The following PCDHA2 variants were observed in gnomAD, a reference collection of about 807,000 sequenced individuals.
PCDHA2 encodes the protein protocadherin alpha 2.
In PCDHA2, 58 loss-of-function variants were observed where a neutral mutation model predicts 66.0. That is an observed-to-expected ratio of 0.88 (90% CI 0.71 to 1.09). The LOEUF (loss-of-function observed/expected upper bound fraction) is 1.09, where lower values mean the gene tolerates loss of function less well. PCDHA2 is among the 50% of genes least tolerant of loss of function. The probability of loss-of-function intolerance (pLI) is 0.00; values close to 1 mark genes in which losing one functional copy is unlikely to be tolerated. For synonymous variants in PCDHA2, 634 were observed against 554.0 expected (o/e 1.14, Z -2.03); for missense variants, 1,267 against 1,242.3 (o/e 1.02, Z -0.30).
At chr5:140,903,370 G>A (rs1185137848) in intron 1 of PCDHA2, among the ~76,000 whole-genome samples, 8 of 152,136 alleles carry the variant, frequency 5.3e-5, no homozygotes, top group African/African-American at 1.9e-4. Flanking sequence ...AAAAATATAG[G>A]GAGGATTGTG....
intron 1 of PCDHA2, among the ~76,000 whole-genome samples, chr5:140,960,713 A>C (rs1272219565): frequency 6.6e-6 from 1 of 150,862 alleles, no homozygotes; most frequent in Non-Finnish European, 1.5e-5. Context: ...CCAAATACTC[A>C]TCTTATTTTA....
chr5:140,883,679 G>T (rs781987468), intron 1 of PCDHA2: 1 of 1,613,678 alleles, frequency 6.2e-7, no homozygotes, highest in Non-Finnish European at 8.5e-7. Flanking sequence ...CAATCCGCCG[G>T]GCTGCCACAT....
intron 3 of PCDHA2, among the ~76,000 whole-genome samples, chr5:140,983,949 T>TA (rs1554245835): frequency 1.3e-5 from 2 of 152,176 alleles, no homozygotes. Flanking sequence ...ACAATTCAAC[T>TA]AAAAGTCACA....
At chr5:140,797,517 A>C in intron 1 of PCDHA2, 165 bp downstream of exon 1, 1 of 832,786 alleles carries the variant, frequency 1.2e-6, no homozygotes, top group Non-Finnish European at 1.9e-6. Flanking sequence ...TTTACTGAAC[A>C]ATTTATTTAA....
intron 1 of PCDHA2, chr5:140,858,518 A>G: frequency 7.0e-7 from 1 of 1,420,434 alleles, no homozygotes; most frequent in African/African-American, 1.4e-5. Context: ...TATGTATCAG[A>G]ATATTTCATT....
intron 1 of PCDHA2, chr5:140,848,628 G>A (rs1324481449): frequency 6.3e-7 from 1 of 1,593,422 alleles, no homozygotes; most frequent in Non-Finnish European, 8.6e-7. Flanking sequence ...CGGCACCTTC[G>A]TGGGCCGCAT....
intron 1 of PCDHA2, among the ~76,000 whole-genome samples, chr5:140,889,933 A>T (rs1034906344): frequency 7.9e-5 from 12 of 152,188 alleles, no homozygotes; most frequent in African/African-American, 2.9e-4. Context: ...CTCAAGCTGG[A>T]CTTGTGAGAA....
intron 1 of PCDHA2, among the ~76,000 whole-genome samples, chr5:140,941,445 A>C (rs1472770794): frequency 8.0e-5 from 12 of 149,892 alleles, no homozygotes; most frequent in Middle Eastern, 6.8e-3. Context: ...CCTCGGGAGT[A>C]GCTGGGATTA....
At chr5:140,985,616 G>C in intron 3 of PCDHA2, among the ~76,000 whole-genome samples, 1 of 152,104 alleles carries the variant, frequency 6.6e-6, no homozygotes, top group African/African-American at 2.4e-5. Flanking sequence ...CCGTGAACCA[G>C]CTGTGTATTG....
intron 1 of PCDHA2, among the ~76,000 whole-genome samples, chr5:140,924,695 G>C (rs1190287077): frequency 2.6e-5 from 4 of 152,024 alleles, no homozygotes; most frequent in African/African-American, 9.7e-5. Context: ...AGGAGTTCGA[G>C]ACCAGCTTGT....
intron 1 of PCDHA2, chr5:140,823,691 C>T (rs2150128189): frequency 1.9e-6 from 3 of 1,613,862 alleles, no homozygotes; most frequent in Non-Finnish European, 2.5e-6. Flanking sequence ...CTGGATGAGA[C>T]CGAAGCACCG....
intron 1 of PCDHA2, chr5:140,808,719 A>G: frequency 6.2e-7 from 1 of 1,612,162 alleles, no homozygotes; most frequent in Non-Finnish European, 8.5e-7. Flanking sequence ...GTTTCGGTGC[A>G]TGCGGAGAGC....
At chr5:140,860,219 A>C (rs2046275185) in intron 1 of PCDHA2, 1 of 151,166 alleles carries the variant, frequency 6.6e-6, no homozygotes, top group South Asian at 2.1e-4. Flanking sequence ...GTACTTATGT[A>C]TATATAAGCC....
intron 1 of PCDHA2, chr5:140,871,485 C>T (rs1554165663): frequency 8.2e-6 from 13 of 1,593,104 alleles, no homozygotes; most frequent in Admixed American, 1.8e-5. Context: ...GGTCAAATCA[C>T]CCCGGACAGG....
At chr5:140,983,481 T>A (rs782574681) in intron 3 of PCDHA2, among the ~76,000 whole-genome samples, 2 of 152,226 alleles carry the variant, frequency 1.3e-5, no homozygotes, top group Non-Finnish European at 2.9e-5. Context: ...TAATAGTAGT[T>A]ACTAATTATT....
intron 2 of PCDHA2, among the ~76,000 whole-genome samples, chr5:140,980,478 A>G (rs1186753725): frequency 2.6e-5 from 4 of 152,172 alleles, no homozygotes; most frequent in African/African-American, 4.8e-5. Context: ...AAAAATACAA[A>G]AATTAGCTGG....
chr5:140,826,174 C>T (rs1554130474), intron 1 of PCDHA2, among the ~76,000 whole-genome samples: 1 of 152,112 alleles, frequency 6.6e-6, no homozygotes, highest in Non-Finnish European at 1.5e-5. Flanking sequence ...TTTTGTCATT[C>T]TATAAATCTA....
chr5:140,796,631 T>C lies in PCDHA2; in HGVS notation c.1667T>C (p.Leu556Pro). The change falls in exon 1 of 4, where the codon CTG becomes CCG. Residue 556 changes from leucine (L) to proline (P), a missense_variant. By Grantham distance (98) the Leu-to-Pro change is moderately conservative (BLOSUM62 -3). Transcript: ENST00000526136. Reference protein sequence around the residue: ...GSNVTLQVFVLDENDNAPALL... With the variant: ...GSNVTLQVFVPDENDNAPALL... Reference sequence around the variant, plus strand: ...AACGTGACGCTGCAGGTGTTCGTGCTGGACGAGAACGACAACGCGCCGGCA... The same window carrying C: ...AACGTGACGCTGCAGGTGTTCGTGCCGGACGAGAACGACAACGCGCCGGCA... 6.2e-7 allele frequency: 1 copy of C among 1,610,512 alleles called. No homozygotes were observed. Among genetic ancestry groups the C allele is most frequent in the Non-Finnish European group, 8.5e-7 (1 of 1,178,924 alleles).
At chr5:140,808,886 G>A (rs1554124867) in intron 1 of PCDHA2, 1 of 1,613,208 alleles carries the variant, frequency 6.2e-7, no homozygotes, top group Non-Finnish European at 8.5e-7. Context: ...AGCACTGCTA[G>A]CGCCTCGGGC....
Sources: gnomAD v4.1 joint callset for allele counts (sites outside exome capture counted in the v4.1 genomes callset) on GRCh38, gnomAD v4.1.1 for gene constraint, MANE v1.5 for transcripts, NCBI Gene and HGNC (gene_info 2026-07-23, HGNC 2026-07-21) for gene names.